The following WWC2 variants were observed in gnomAD, a reference collection of about 807,000 sequenced individuals.
WWC2 encodes the protein WW and C2 domain containing 2, also known as protein WWC2.
In WWC2, 101 loss-of-function variants were observed where a neutral mutation model predicts 138.5. The observed-to-expected ratio is 0.73, with a 90% confidence interval of 0.62 to 0.86. WWC2 has a LOEUF of 0.86. Among genes scored for constraint, WWC2 ranks in the 40% least tolerant of loss-of-function variants. The pLI, the probability that WWC2 is intolerant of heterozygous loss-of-function variation, is 0.00. For missense variants in WWC2, 1,420 were observed against 1,419.4 expected (o/e 1.00, Z -0.01); for synonymous variants, 558 against 538.4 (o/e 1.04, Z -0.50).
intron 1 of WWC2, among the ~76,000 whole-genome samples, chr4:183,168,528 A>G (rs1257321302): frequency 6.6e-6 from 1 of 152,176 alleles, no homozygotes; most frequent in Non-Finnish European, 1.5e-5. Context: ...GTTAGAACCT[A>G]GATGCTGTGG....
At chr4:183,271,305 A>C in intron 16 of WWC2, 64 bp downstream of exon 16, 1 of 1,297,664 alleles carries the variant, frequency 7.7e-7, no homozygotes, top group Non-Finnish European at 1.0e-6. Context: ...TACATATATG[A>C]AAGTAATATG....
chr4:183,193,927 C>G (rs1043323558), intron 2 of WWC2, among the ~76,000 whole-genome samples: 14 of 152,052 alleles, frequency 9.2e-5, no homozygotes, highest in African/African-American at 3.4e-4. Context: ...GGCCCGTGTG[C>G]CTGCCTGCCT....
chr4:183,269,106 G>C lies in WWC2; in HGVS notation c.2343G>C (p.Gln781His), dbSNP rs774293773. 1.9e-5 allele frequency: 30 copies of C among 1,613,778 alleles called. 1 individual carries two copies. In the South Asian group the frequency reaches 3.3e-4, roughly 18 times the overall value. ...RVAISQTALQ[Q>H]KTLRVDLCSV... Reference sequence around the variant, plus strand: ...CCATTTCCCAAACAGCCTTACAACAGAAGACACTGAGGGTAGACCTTTGCT... The same window carrying C: ...CCATTTCCCAAACAGCCTTACAACACAAGACACTGAGGGTAGACCTTTGCT... The change falls in exon 15 of 23, where the codon CAG becomes CAC. Residue 781 changes from glutamine (Q) to histidine (H), a missense_variant. Gln to His is a conservative substitution (Grantham distance 24, BLOSUM62 0). Transcript: ENST00000403733.
intron 1 of WWC2, among the ~76,000 whole-genome samples, chr4:183,117,623 CTTT>C: frequency 7.1e-6 from 1 of 141,340 alleles, no homozygotes; most frequent in Admixed American, 7.1e-5. Flanking sequence ...AATTACAAAG[CTTT>C]TTTTTTTTTT....
intron 1 of WWC2, among the ~76,000 whole-genome samples, chr4:183,100,151 G>T (rs952011659): frequency 2.4e-4 from 37 of 152,250 alleles, no homozygotes; most frequent in Admixed American, 3.9e-4. Flanking sequence ...CCCCCCGCCG[G>T]GCCCTGCTAG....
At chr4:183,263,206 T>G (rs933638874) in intron 11 of WWC2, among the ~76,000 whole-genome samples, 1 of 152,214 alleles carries the variant, frequency 6.6e-6, no homozygotes, top group African/African-American at 2.4e-5. Flanking sequence ...GTAGTTTTGC[T>G]CTTCCTGTAT....
intron 1 of WWC2, among the ~76,000 whole-genome samples, chr4:183,166,091 G>C (rs2111153277): frequency 6.6e-6 from 1 of 152,218 alleles, no homozygotes; most frequent in African/African-American, 2.4e-5. Context: ...ACAAGTTAAA[G>C]CTTTCTACTT....
At chr4:183,208,832 TAGAA>T (rs1735514357) in intron 3 of WWC2, 113 bp from the exon 4 acceptor site, 8 of 657,864 alleles carry the variant, frequency 1.2e-5, no homozygotes, top group Admixed American at 2.9e-5. Flanking sequence ...ATAAAGGAAT[TAGAA>T]AGCAAGTATT....
Position 183,319,490 on chromosome 4 carries a change from G to T in WWC2, c.*3761G>T. The T allele has an allele frequency of 6.9e-7, 1 of 1,454,078 alleles. No individual in the cohort carries two copies. The highest frequency in any genetic ancestry group is 9.3e-7 in the Non-Finnish European group (1 of 1,074,574). The allele number at this position is 1,454,078 out of a possible 1,614,324, so 90.1% of individuals were successfully genotyped here. On this transcript the variant is annotated 3_prime_UTR_variant, in exon 23 of 23. Transcript: ENST00000403733. ...AAAGCACAGTGAGATGACTAGAGCG[G>T]GACATCCTACCAAATCCAGTGTTGA...
At chr4:183,283,025 G>C in intron 18 of WWC2, 119 bp downstream of exon 18, 1 of 1,032,860 alleles carries the variant, frequency 9.7e-7, no homozygotes, top group South Asian at 2.0e-5. Flanking sequence ...GCCAAAAGCT[G>C]ATCGTGAAAG....
At chr4:183,176,028 A>C (rs1410311567) in intron 1 of WWC2, among the ~76,000 whole-genome samples, 1 of 152,248 alleles carries the variant, frequency 6.6e-6, no homozygotes, top group East Asian at 1.9e-4. Context: ...GTCTAAGCTC[A>C]AAGGGCATGC....
Position 183,136,923 on chromosome 4 carries a change from A to G in WWC2, c.131+37301A>G, listed in dbSNP as rs140523902. Among the ~76,000 whole-genome samples, 245 of 152,266 alleles carry G rather than the reference A, an allele frequency of 1.6e-3. 1 individual carries two copies. Among genetic ancestry groups the G allele is most frequent in the African/African-American group, 5.1e-3 (214 of 41,562 alleles). ...AAACCTAGGCGATATGGTGGTGCCT[A>G]TTCCTCCTAGGTTACAAATCAGTAC... On this transcript the variant is annotated intron_variant, in intron 1 of 22. Transcript: ENST00000403733.
At chr4:183,278,787 G>C (rs371491114) in intron 16 of WWC2, among the ~76,000 whole-genome samples, 1 of 151,640 alleles carries the variant, frequency 6.6e-6, no homozygotes, top group Non-Finnish European at 1.5e-5. Flanking sequence ...TTTGTCTGTT[G>C]TTGGTGTATA....
intron 16 of WWC2, among the ~76,000 whole-genome samples, chr4:183,279,572 T>C (rs1737996407): frequency 6.6e-6 from 1 of 152,226 alleles, no homozygotes; most frequent in Non-Finnish European, 1.5e-5. Context: ...TCCTTGTACT[T>C]CTGGTAGAAT....
intron 1 of WWC2, among the ~76,000 whole-genome samples, chr4:183,168,680 C>T (rs1734191502): frequency 1.3e-5 from 2 of 152,016 alleles, no homozygotes; most frequent in Non-Finnish European, 2.9e-5. Context: ...GGTGTCATTG[C>T]CATTATATGC....
intron 1 of WWC2, among the ~76,000 whole-genome samples, chr4:183,157,709 G>A (rs796335613): frequency 6.6e-6 from 1 of 152,008 alleles, no homozygotes; most frequent in Non-Finnish European, 1.5e-5. Flanking sequence ...CACCGTGTTA[G>A]CCAGGATGGT....
At chr4:183,193,506 T>G in intron 1 of WWC2, 93 bp from the exon 2 acceptor site, 1 of 1,049,218 alleles carries the variant, frequency 9.5e-7, no homozygotes, top group Non-Finnish European at 1.4e-6. Flanking sequence ...AGATTTTAAA[T>G]GCAACCTAGA....
chr4:183,218,560 C>T (rs1226386248), intron 4 of WWC2, among the ~76,000 whole-genome samples: 1 of 152,126 alleles, frequency 6.6e-6, no homozygotes, highest in Non-Finnish European at 1.5e-5. Context: ...TTGGCTGACA[C>T]AATTATGGAA....
At chr4:183,172,571 T>G (rs1734324753) in intron 1 of WWC2, among the ~76,000 whole-genome samples, 2 of 151,442 alleles carry the variant, frequency 1.3e-5, no homozygotes, top group Non-Finnish European at 2.9e-5. Flanking sequence ...TTTTTTTTTT[T>G]TTTGTTATTG....
Sources: gnomAD v4.1 joint callset for allele counts (sites outside exome capture counted in the v4.1 genomes callset) on GRCh38, gnomAD v4.1.1 for gene constraint, MANE v1.5 for transcripts, NCBI Gene and HGNC (gene_info 2026-07-23, HGNC 2026-07-21) for gene names.